Variants in COLEC12 observed in about 807,000 individuals in gnomAD.
COLEC12 encodes collectin-12.
A neutral mutation model predicts 71.1 loss-of-function variants in COLEC12; 33 were observed. The observed-to-expected ratio is 0.46, with a 90% CI of 0.35 to 0.62. COLEC12 has a LOEUF of 0.62. Among genes scored for constraint, COLEC12 ranks in the 20% least tolerant of loss-of-function variants. COLEC12 has a pLI of 0.00. For missense variants in COLEC12, 765 were observed against 916.1 expected (o/e 0.84, Z 2.13); for synonymous variants, 350 against 353.0 (o/e 0.99, Z 0.10).
At chr18:443,805 A>T (rs1185092436) in intron 2 of COLEC12, among the ~76,000 whole-genome samples, 1 of 152,194 alleles carries the variant, frequency 6.6e-6, no homozygotes, top group South Asian at 2.1e-4. Context: ...TGTTTGGATC[A>T]TGGGGGTGGA....
At chr18:461,945 A>C (rs1916991309) in intron 2 of COLEC12, among the ~76,000 whole-genome samples, 1 of 152,212 alleles carries the variant, frequency 6.6e-6, no homozygotes, top group Admixed American at 6.5e-5. Flanking sequence ...AGATAATGAG[A>C]TGGAAATGAA....
At chr18:460,080 G>A (rs1411992704) in intron 2 of COLEC12, among the ~76,000 whole-genome samples, 3 of 151,918 alleles carry the variant, frequency 2.0e-5, no homozygotes, top group Non-Finnish European at 4.4e-5. Flanking sequence ...AAATAGACTC[G>A]GATATTTTGA....
Position 385,768 on chromosome 18 carries a change from G to T in COLEC12, c.59-28246C>A, listed in dbSNP as rs535597270. 9.2e-5 allele frequency among the ~76,000 whole-genome samples: 14 copies of T among 152,258 alleles called. No homozygotes were observed. The East Asian group carries it at 2.3e-3, about 25-fold the overall frequency. On this transcript the variant is annotated intron_variant, in intron 2 of 9. Transcript: ENST00000400256. Reference sequence around the variant, plus strand: ...AATGAAAATCTGGCTTCTGGCCTCTGCAACCATTCTAAGAACAGCAAAGTA... The same window carrying T: ...AATGAAAATCTGGCTTCTGGCCTCTTCAACCATTCTAAGAACAGCAAAGTA...
At chr18:336,692 G>T (rs963224591) in intron 5 of COLEC12, among the ~76,000 whole-genome samples, 1 of 152,156 alleles carries the variant, frequency 6.6e-6, no homozygotes, top group African/African-American at 2.4e-5. Context: ...AGATACCAAG[G>T]AGAGTAAGAC....
chr18:379,081 A>T (rs1392061322), intron 2 of COLEC12, among the ~76,000 whole-genome samples: 5 of 151,912 alleles, frequency 3.3e-5, no homozygotes, highest in African/African-American at 4.8e-5. Flanking sequence ...GGGATGGTGC[A>T]ATCTTTTTAT....
chr18:381,765 G>A (rs1203665159), intron 2 of COLEC12, among the ~76,000 whole-genome samples: 1 of 152,140 alleles, frequency 6.6e-6, no homozygotes, highest in Admixed American at 6.5e-5. Context: ...ATAAATCACG[G>A]GGCATCATGG....
At chr18:446,531 ATC>A (rs1207564785) in intron 2 of COLEC12, among the ~76,000 whole-genome samples, 2 of 138,586 alleles carry the variant, frequency 1.4e-5, no homozygotes, top group East Asian at 4.2e-4. Context: ...GCAAGACCCT[ATC>A]TCTGTAAAAA....
chr18:444,769 G>C (rs1567909953), intron 2 of COLEC12, among the ~76,000 whole-genome samples: 1 of 152,162 alleles, frequency 6.6e-6, no homozygotes, highest in Non-Finnish European at 1.5e-5. Context: ...GGATTGACGT[G>C]ATATTTCCAT....
At chr18:490,380 G>C (rs946604305) in intron 1 of COLEC12, among the ~76,000 whole-genome samples, 1 of 152,190 alleles carries the variant, frequency 6.6e-6, no homozygotes, top group Non-Finnish European at 1.5e-5. Context: ...TGGTTTTTTA[G>C]GCATTAGCAG....
Position 362,714 on chromosome 18 carries a change from C to T in COLEC12, c.59-5192G>A, listed in dbSNP as rs183318008. ...AGATCCAGCGTGCCAAAGAACCTGG[C>T]GCCAATAGCACATTTGAAATTCAGA... On this transcript the variant is annotated intron_variant, in intron 2 of 9. Transcript: ENST00000400256. The surrounding 1 kb of genome is among the most constrained non-coding windows in gnomAD (Gnocchi z 4.6). Among the ~76,000 whole-genome samples the T allele has an allele frequency of 2.0e-5, 3 of 152,070 alleles. No homozygotes were observed. The highest frequency in any genetic ancestry group is 4.8e-5 in the African/African-American group (2 of 41,396).
At chr18:437,540 C>A (rs528645193) in intron 2 of COLEC12, among the ~76,000 whole-genome samples, 1 of 151,950 alleles carries the variant, frequency 6.6e-6, no homozygotes, top group Admixed American at 6.6e-5. Flanking sequence ...CACAGAATGA[C>A]GAACTTGCAG....
chr18:345,928 TC>T (rs1163382488), intron 5 of COLEC12, among the ~76,000 whole-genome samples: 3 of 152,220 alleles, frequency 2.0e-5, no homozygotes, highest in African/African-American at 7.2e-5. Flanking sequence ...GTATCTTCCT[TC>T]TTGTTCTCTC....
intron 2 of COLEC12, among the ~76,000 whole-genome samples, chr18:466,776 A>C (rs1049890596): frequency 2.6e-5 from 4 of 152,230 alleles, no homozygotes; most frequent in Non-Finnish European, 5.9e-5. Flanking sequence ...TTACAAAGTA[A>C]GGAATTATAA....
intron 2 of COLEC12, among the ~76,000 whole-genome samples, chr18:447,829 C>A (rs961655023): frequency 2.0e-5 from 3 of 152,018 alleles, no homozygotes; most frequent in African/African-American, 7.3e-5. Flanking sequence ...ACTTTTTGTC[C>A]CCTACAGCAA....
At chr18:495,864 G>A (rs1382665605) in intron 1 of COLEC12, among the ~76,000 whole-genome samples, 1 of 152,130 alleles carries the variant, frequency 6.6e-6, no homozygotes, top group Non-Finnish European at 1.5e-5. Context: ...CCAACTAGCT[G>A]GGTACCCTTA....
chr18:495,912 A>G (rs1917703799), intron 1 of COLEC12, among the ~76,000 whole-genome samples: 1 of 152,206 alleles, frequency 6.6e-6, no homozygotes, highest in Admixed American at 6.5e-5. Flanking sequence ...AAGTTTTCCT[A>G]TCATAAAATG....
At chr18:418,251 A>G (rs191671982) in intron 2 of COLEC12, among the ~76,000 whole-genome samples, 433 of 152,340 alleles carry the variant, frequency 2.8e-3, no homozygotes, top group African/African-American at 0.01. Flanking sequence ...TTTAAGAGCC[A>G]CATAAACACC....
intron 8 of COLEC12, among the ~76,000 whole-genome samples, chr18:328,030 G>A (rs1317232401): frequency 5.3e-5 from 8 of 151,964 alleles, no homozygotes; most frequent in Admixed American, 5.2e-4. Context: ...AAGAGATGGG[G>A]TCTTGCTCTA....
At position 346,924 on chromosome 18, in the gene COLEC12, G is replaced by A; in HGVS notation, c.698C>T (p.Ala233Val). Residue 233 changes from alanine to valine, a missense_variant, in exon 5 of 10, where the codon GCT becomes GTT. Coordinates refer to ENST00000400256, the MANE Select transcript of COLEC12 (RefSeq NM_130386.3). The surrounding 1 kb of genome is among the most constrained non-coding windows in gnomAD (Gnocchi z 4.0). Reference sequence around the variant, plus strand: ...AAAGTCGTTCTTGATTCGCTGGATAGCCTGGCTTGTGTCATCCACAGACCG... The same window carrying A: ...AAAGTCGTTCTTGATTCGCTGGATAACCTGGCTTGTGTCATCCACAGACCG... Reference protein sequence around the residue: ...LQRSVDDTSQAIQRIKNDFQN... With the variant: ...LQRSVDDTSQVIQRIKNDFQN... The A allele has an allele frequency of 1.2e-6, 2 of 1,614,156 alleles. No homozygotes were observed. Among genetic ancestry groups the A allele is most frequent in the East Asian group, 4.5e-5 (2 of 44,888 alleles).
Sources: gnomAD v4.1 joint callset for allele counts (sites outside exome capture counted in the v4.1 genomes callset) on GRCh38, gnomAD v4.1.1 for gene constraint, Gnocchi (gnomAD v3.1) non-coding constraint, MANE v1.5 for transcripts, NCBI Gene and HGNC (gene_info 2026-07-23, HGNC 2026-07-21) for gene names.